PACSIN2: variants seen among roughly 807,000 people sequenced by gnomAD.
PACSIN2 encodes protein kinase C and casein kinase substrate in neurons 2, also known as protein kinase C and casein kinase substrate in neurons protein 2.
PACSIN2 carries 25 observed loss-of-function variants against 63.8 expected under a neutral mutation model. The observed-to-expected ratio is 0.39, with a 90% CI of 0.29 to 0.55. PACSIN2 has a LOEUF of 0.55. PACSIN2 is among the 20% of genes least tolerant of loss of function. The pLI is 0.62. For missense variants in PACSIN2, 518 were observed against 646.9 expected (o/e 0.80, Z 2.16); for synonymous variants, 255 against 256.2 (o/e 1.00, Z 0.05).
At chr22:42,941,255 A>G (rs1335593362) in intron 1 of PACSIN2, among the ~76,000 whole-genome samples, 5 of 152,140 alleles carry the variant, frequency 3.3e-5, no homozygotes. Context: ...GTAATATTCC[A>G]CTGTATGAAT....
At chr22:42,958,544 T>A (rs916053830) in intron 1 of PACSIN2, among the ~76,000 whole-genome samples, 2 of 152,152 alleles carry the variant, frequency 1.3e-5, no homozygotes, top group Non-Finnish European at 2.9e-5. Flanking sequence ...CAGAATTCAG[T>A]AGGATGTTTT....
intron 6 of PACSIN2, among the ~76,000 whole-genome samples, chr22:42,882,923 C>T (rs568903943): frequency 6.6e-6 from 1 of 152,320 alleles, no homozygotes; most frequent in South Asian, 2.1e-4. Flanking sequence ...TCGGTTTCCT[C>T]CTCCGTTGAG....
chr22:42,916,865 G>C lies in PACSIN2; in HGVS notation c.-77-4708C>G, dbSNP rs556523506. Among the ~76,000 whole-genome samples the C allele has an allele frequency of 6.6e-5, 10 of 152,306 alleles. No individual in the cohort carries two copies. The East Asian group carries it at 1.9e-3, about 29-fold the overall frequency. ...CTAAAAGTGATAGCCATTGTTCTTA[G>C]AATCACCACAGCAAGCCACCCGAAG... On this transcript the variant is annotated intron_variant, in intron 1 of 10. Coordinates refer to ENST00000263246, the MANE Select transcript of PACSIN2 (RefSeq NM_001184970.3).
chr22:42,889,729 G>A (rs1436242771), intron 4 of PACSIN2, among the ~76,000 whole-genome samples: 1 of 152,150 alleles, frequency 6.6e-6, no homozygotes, highest in East Asian at 1.9e-4. Context: ...CTGCAGGCAG[G>A]GGCGGGGCAC....
intron 2 of PACSIN2, among the ~76,000 whole-genome samples, chr22:42,907,654 A>G (rs2146711477): frequency 6.6e-6 from 1 of 152,388 alleles, no homozygotes. Context: ...ACTGCTGCTG[A>G]GCATGAGGTG....
chr22:42,994,097 T>C (rs1243483723), intron 1 of PACSIN2, among the ~76,000 whole-genome samples: 2 of 152,184 alleles, frequency 1.3e-5, no homozygotes, highest in Non-Finnish European at 2.9e-5. Flanking sequence ...CGATGTAGAC[T>C]GGAATCCTTC....
intron 4 of PACSIN2, 21 bp downstream of exon 4, chr22:42,890,926 A>T: frequency 1.3e-6 from 2 of 1,599,494 alleles, no homozygotes; most frequent in Non-Finnish European, 1.7e-6. Flanking sequence ...CCGGGCAGGG[A>T]AGCCTGCAGG....
Position 42,986,282 on chromosome 22 carries a change from G to A in PACSIN2, c.-78+28739C>T, listed in dbSNP as rs147016004. 6.0e-4 allele frequency among the ~76,000 whole-genome samples: 91 copies of A among 152,302 alleles called. No individual in the cohort carries two copies. The East Asian group carries it at 0.015, about 26-fold the overall frequency. ...AAAACCGTGCCACTGCGTCAGCCAC[G>A]ACGCTGGGCTGCAGTGTGGTCAGCG... On this transcript the variant is annotated intron_variant, in intron 1 of 10. Coordinates refer to ENST00000263246, the MANE Select transcript of PACSIN2 (RefSeq NM_001184970.3).
At chr22:42,944,603 T>C (rs957136762) in intron 1 of PACSIN2, among the ~76,000 whole-genome samples, 2 of 152,116 alleles carry the variant, frequency 1.3e-5, no homozygotes, top group Admixed American at 1.3e-4. Flanking sequence ...TTGGACAAAA[T>C]GTTCATCACT....
chr22:42,894,348 C>A (rs1357566827), intron 2 of PACSIN2, among the ~76,000 whole-genome samples: 1 of 152,088 alleles, frequency 6.6e-6, no homozygotes, highest in Admixed American at 6.5e-5. Context: ...TCAAGTGATT[C>A]TTCTGCCTCA....
intron 1 of PACSIN2, among the ~76,000 whole-genome samples, chr22:42,966,553 G>A (rs990464826): frequency 3.9e-5 from 6 of 152,144 alleles, no homozygotes; most frequent in African/African-American, 1.4e-4. Context: ...TGCTTCTCTG[G>A]CACTTGTCCA....
At chr22:42,934,729 C>G (rs1233370574) in intron 1 of PACSIN2, among the ~76,000 whole-genome samples, 1 of 152,164 alleles carries the variant, frequency 6.6e-6, no homozygotes, top group Non-Finnish European at 1.5e-5. Flanking sequence ...TTATTTGGCC[C>G]CCATTCCTCT....
rs1929146705 is a variant in PACSIN2 at position 42,882,365 on chromosome 22, C to T, written c.786-61G>A. 9.7e-6 allele frequency: 15 copies of T among 1,552,120 alleles called. No individual in the cohort carries two copies. The South Asian group carries it at 1.9e-4, about 19-fold the overall frequency. ...AGGGGCCAGCTACCCTTTGTCCCAGCCCAGTGCCAGCCACAGCAGGTCCCG... is the reference window on the plus strand; with the variant it reads ...AGGGGCCAGCTACCCTTTGTCCCAGTCCAGTGCCAGCCACAGCAGGTCCCG... On this transcript the variant is annotated intron_variant, in intron 6 of 10. Coordinates refer to ENST00000263246, the MANE Select transcript of PACSIN2 (RefSeq NM_001184970.3).
chr22:42,981,998 T>TG (rs1800416106), intron 1 of PACSIN2, among the ~76,000 whole-genome samples: 2 of 82,308 alleles, frequency 2.4e-5, no homozygotes, highest in East Asian at 4.4e-4. Context: ...GGGAGGGAGG[T>TG]GGGGGGGTCA....
intron 1 of PACSIN2, among the ~76,000 whole-genome samples, chr22:42,943,360 C>A (rs560587239): frequency 6.6e-6 from 1 of 152,234 alleles, no homozygotes; most frequent in Admixed American, 6.5e-5. Context: ...CTTTTCCTTT[C>A]CAATCTGTAT....
intron 1 of PACSIN2, among the ~76,000 whole-genome samples, chr22:42,934,879 C>A (rs1932861857): frequency 6.7e-6 from 1 of 148,292 alleles, no homozygotes; most frequent in Non-Finnish European, 1.5e-5. Context: ...GATTTCTTTT[C>A]TTTCTTTTCT....
intron 1 of PACSIN2, among the ~76,000 whole-genome samples, chr22:42,994,313 G>A (rs2018340): frequency 0.19 from 29,022 of 152,160 alleles, 4,477 homozygotes; most frequent in East Asian, 0.72. Context: ...CAAGCCCCAT[G>A]TGTCAGATAG....
chr22:42,895,924 A>C (rs554835727), intron 2 of PACSIN2, among the ~76,000 whole-genome samples: 1 of 152,326 alleles, frequency 6.6e-6, no homozygotes, highest in African/African-American at 2.4e-5. Flanking sequence ...CTATCGCCAT[A>C]AACCACCAGG....
intron 1 of PACSIN2, among the ~76,000 whole-genome samples, chr22:42,937,863 G>T (rs902231089): frequency 2.0e-5 from 3 of 152,180 alleles, no homozygotes; most frequent in Non-Finnish European, 4.4e-5. Flanking sequence ...CCCGCAGGGG[G>T]ACCCTTCTCC....
Sources: gnomAD v4.1 joint callset for allele counts (sites outside exome capture counted in the v4.1 genomes callset) on GRCh38, gnomAD v4.1.1 for gene constraint, MANE v1.5 for transcripts, NCBI Gene and HGNC (gene_info 2026-07-23, HGNC 2026-07-21) for gene names.